SEM1: variants seen among roughly 807,000 people sequenced by gnomAD.
The protein encoded by SEM1 is SEM1 26S proteasome subunit.
A neutral mutation model predicts 12.7 loss-of-function variants in SEM1; 3 were observed. The ratio of observed to expected loss-of-function variants is 0.24; its 90% CI spans 0.11 to 0.61. The LOEUF (loss-of-function observed/expected upper bound fraction) is 0.61. Among genes scored for constraint, SEM1 ranks in the 20% least tolerant of loss-of-function variants. SEM1 has a pLI of 0.88. For missense variants in SEM1, 59 were observed against 81.3 expected, an observed-to-expected ratio of 0.73 and a Z score of 1.06; for synonymous variants, 30 against 27.8, an observed-to-expected ratio of 1.08 and a Z score of -0.25.
chr7:96,577,129 T>C (rs1051050658), intron 2 of SEM1, among the ~76,000 whole-genome samples: 1 of 144,546 alleles, frequency 6.9e-6, no homozygotes, highest in African/African-American at 2.5e-5. Context: ...AAAAAAAAAA[T>C]GGATACAATA....
chr7:96,614,835 C>T (rs1807657699), intron 2 of SEM1, among the ~76,000 whole-genome samples: 1 of 151,988 alleles, frequency 6.6e-6, no homozygotes, highest in Non-Finnish European at 1.5e-5. Flanking sequence ...GTCATGTGCA[C>T]ACATATGTGC....
intron 2 of SEM1, among the ~76,000 whole-genome samples, chr7:96,584,400 A>G (rs1806535554): frequency 6.6e-6 from 1 of 151,514 alleles, no homozygotes; most frequent in African/African-American, 2.4e-5. Flanking sequence ...TGCCCTTAAC[A>G]TTTTTTCCTT....
chr7:96,706,222 C>T (rs1267232373), intron 1 of SEM1: 2 of 152,138 alleles, frequency 1.3e-5, no homozygotes, highest in African/African-American at 4.8e-5. Flanking sequence ...AGCATTTGTA[C>T]CTTCAGAGAC....
intron 3 of SEM1, among the ~76,000 whole-genome samples, chr7:96,505,284 A>G (rs910078223): frequency 5.9e-5 from 9 of 151,672 alleles, no homozygotes; most frequent in Admixed American, 4.6e-4. Context: ...TTGTATTTTT[A>G]TTAGAGACAG....
At chr7:96,549,264 A>C (rs947006758) in intron 2 of SEM1, among the ~76,000 whole-genome samples, 5 of 152,174 alleles carry the variant, frequency 3.3e-5, no homozygotes, top group African/African-American at 1.2e-4. Flanking sequence ...CATCTCAAGA[A>C]GCCCCTCAGT....
At chr7:96,481,898 C>T (rs894738889) in exon 4 of SEM1, 3 of 152,038 alleles carry the variant, frequency 2.0e-5, no homozygotes, top group African/African-American at 4.8e-5. Flanking sequence ...CAACATGTTC[C>T]TAAATCACCA....
At chr7:96,587,139 A>T (rs1806665353) in intron 2 of SEM1, among the ~76,000 whole-genome samples, 1 of 152,248 alleles carries the variant, frequency 6.6e-6, no homozygotes, top group Admixed American at 6.5e-5. Flanking sequence ...AAACATGAAT[A>T]CATTTATTAA....
At chr7:96,702,957 C>G (rs1392919761) in intron 1 of SEM1, among the ~76,000 whole-genome samples, 1 of 152,102 alleles carries the variant, frequency 6.6e-6, no homozygotes, top group Non-Finnish European at 1.5e-5. Flanking sequence ...TAAAGACAAA[C>G]AGGAAATGCT....
intron 3 of SEM1, among the ~76,000 whole-genome samples, chr7:96,506,170 G>T (rs560499605): frequency 6.6e-6 from 1 of 152,122 alleles, no homozygotes; most frequent in African/African-American, 2.4e-5. Context: ...CTTGATATCT[G>T]TAGGACAAGA....
chr7:96,527,904 T>C (rs1256628934), intron 2 of SEM1, among the ~76,000 whole-genome samples: 2 of 152,138 alleles, frequency 1.3e-5, no homozygotes, highest in Admixed American at 6.5e-5. Context: ...TCTTTGGAAA[T>C]AATTAAAATC....
At chr7:96,554,384 T>A (rs1044993590) in intron 2 of SEM1, among the ~76,000 whole-genome samples, 60 of 132,694 alleles carry the variant, frequency 4.5e-4, no homozygotes, top group Admixed American at 7.9e-5. Flanking sequence ...ATACCTAATT[T>A]ATTGAGAGTT....
At chr7:96,552,687 G>C (rs1369085676) in intron 2 of SEM1, among the ~76,000 whole-genome samples, 1 of 151,154 alleles carries the variant, frequency 6.6e-6, no homozygotes, top group Non-Finnish European at 1.5e-5. Flanking sequence ...ATGATTTATA[G>C]TCCTTTGGGT....
chr7:96,677,747 CA>C (rs1352411543), intron 2 of SEM1, among the ~76,000 whole-genome samples: 1 of 151,602 alleles, frequency 6.6e-6, no homozygotes, highest in Non-Finnish European at 1.5e-5. Flanking sequence ...ACCAAGACGG[CA>C]GAAAAATGAA....
exon 3 of SEM1, chr7:96,673,814 G>A (rs752799226): frequency 2.6e-6 from 2 of 765,106 alleles, no homozygotes; most frequent in East Asian, 2.4e-5. Flanking sequence ...GAACATAGCA[G>A]CCATACGGGG....
At chr7:96,703,501 G>C (rs1790335756) in intron 1 of SEM1, among the ~76,000 whole-genome samples, 1 of 151,992 alleles carries the variant, frequency 6.6e-6, no homozygotes, top group Admixed American at 6.6e-5. Flanking sequence ...AATTCAATTT[G>C]GCAATTCTTC....
Position 96,688,896 on chromosome 7 carries a change from T to G in SEM1, c.*28A>C. ...TAGAATGTATTAAGCAGGTCAAGTTTAGGTTACTTCAACACTTCTTCTGGA... is the reference window on the plus strand; with the variant it reads ...TAGAATGTATTAAGCAGGTCAAGTTGAGGTTACTTCAACACTTCTTCTGGA... On this transcript the variant is annotated 3_prime_UTR_variant, in exon 3 of 3. Transcript: ENST00000248566. The G allele has an allele frequency of 6.7e-7, 1 of 1,502,424 alleles. No homozygotes were observed. Among genetic ancestry groups the G allele is most frequent in the Admixed American group, 1.7e-5 (1 of 59,170 alleles). 93.1% of individuals were successfully genotyped at this position (1,502,424 alleles called of 1,614,324 possible).
chr7:96,484,798 T>C (rs1563022078), intron 3 of SEM1: 1 of 1,262,534 alleles, frequency 7.9e-7, no homozygotes, highest in Non-Finnish European at 1.0e-6. Context: ...TACCCATTTA[T>C]ATCCATTTAT....
chr7:96,649,134 A>T (rs1808889563), intron 2 of SEM1: 1 of 152,218 alleles, frequency 6.6e-6, no homozygotes, highest in Non-Finnish European at 1.5e-5. Context: ...TCATTTGTAA[A>T]GCTTTTTGAG....
At chr7:96,628,321 A>G (rs1490576410) in intron 2 of SEM1, among the ~76,000 whole-genome samples, 1 of 151,658 alleles carries the variant, frequency 6.6e-6, no homozygotes, top group East Asian at 1.9e-4. Context: ...CTTCCTTTTT[A>G]ATTTTCCTCC....
Sources: gnomAD v4.1 joint callset for allele counts (sites outside exome capture counted in the v4.1 genomes callset) on GRCh38, gnomAD v4.1.1 for gene constraint, MANE v1.5 for transcripts, NCBI Gene and HGNC (gene_info 2026-07-23, HGNC 2026-07-21) for gene names.